Variants in TEAD4 observed in about 807,000 individuals in gnomAD.
TEAD4 encodes the protein TEA domain transcription factor 4.
A neutral mutation model predicts 52.4 loss-of-function variants in TEAD4; 36 were observed. That is an observed-to-expected ratio of 0.69 (90% confidence interval 0.53 to 0.91). The LOEUF is 0.91. Ranked by LOEUF, TEAD4 falls within the 40% of genes least tolerant of loss-of-function variation. TEAD4 has a pLI of 0.00. For synonymous variants in TEAD4, 220 were observed against 231.0 expected, an observed-to-expected ratio of 0.95 and a Z score of 0.43; for missense variants, 508 against 583.9, an observed-to-expected ratio of 0.87 and a Z score of 1.34.
Position 2,992,111 on chromosome 12 carries a change from C to T in TEAD4, c.-29-2627C>T, listed in dbSNP as rs752796962. Among the ~76,000 whole-genome samples the T allele has an allele frequency of 2.7e-5, 4 of 150,938 alleles. No individual in the cohort carries two copies. The South Asian group carries it at 6.3e-4, about 24-fold the overall frequency. The stretch of plus-strand genomic sequence containing the variant: ...TTGGCCCACTGCAACCTCTGCCTCC[C>T]GGGTTCAAGTGATTCTCTGGCCTCA... On this transcript the variant is annotated intron_variant, in intron 2 of 12. Coordinates refer to ENST00000359864, the MANE Select transcript of TEAD4 (RefSeq NM_003213.4).
chr12:2,975,628 T>C (rs1273004356), intron 2 of TEAD4, among the ~76,000 whole-genome samples: 1 of 152,148 alleles, frequency 6.6e-6, no homozygotes, highest in Non-Finnish European at 1.5e-5. Flanking sequence ...CCTCAGGTGA[T>C]CTGCCCACCT....
chr12:2,985,721 G>A lies in TEAD4; in HGVS notation c.-29-9017G>A, dbSNP rs577430083. 5.1e-3 allele frequency among the ~76,000 whole-genome samples: 769 copies of A among 151,848 alleles called. 1 individual carries two copies. Among genetic ancestry groups the A allele is most frequent in the Non-Finnish European group, 8.0e-3 (542 of 67,936 alleles). On this transcript the variant is annotated intron_variant, in intron 2 of 12. Transcript: ENST00000359864. ...GGGTTTCAGCATATTGGCCAGGGTG[G>A]CCTCGAGCTCCTGACCTCGTGATCC...
intron 2 of TEAD4, among the ~76,000 whole-genome samples, chr12:2,993,274 A>T (rs1301614829): frequency 1.3e-5 from 2 of 152,148 alleles, no homozygotes; most frequent in African/African-American, 2.4e-5. Flanking sequence ...TCTTTCTCCC[A>T]CGAGCTCCTG....
intron 2 of TEAD4, among the ~76,000 whole-genome samples, chr12:2,975,175 C>A (rs4766017): frequency 0.025 from 141 of 5,726 alleles, 26 homozygotes; most frequent in Non-Finnish European, 0.097. Context: ...ACCCTTAAAA[C>A]AAACAAACAA....
chr12:3,024,292 G>A (rs1295131935), intron 10 of TEAD4, among the ~76,000 whole-genome samples: 1 of 152,082 alleles, frequency 6.6e-6, no homozygotes, highest in South Asian at 2.1e-4. Flanking sequence ...TAGCCAGGAT[G>A]GTCTCGATCT....
chr12:3,039,813 G>A (rs1233260124), intron 11 of TEAD4, among the ~76,000 whole-genome samples: 2 of 152,180 alleles, frequency 1.3e-5, no homozygotes, highest in East Asian at 1.9e-4. Context: ...TCAGCCTCCA[G>A]AGTAGCTGGG....
rs2098281820 is a variant in TEAD4 at position 3,040,152 on chromosome 12, C to T, written c.1084C>T (p.His362Tyr). The change falls in exon 12 of 13, where the codon CAC becomes TAC. Residue 362 changes from histidine to tyrosine, a missense_variant. Transcript: ENST00000359864. The stretch of plus-strand genomic sequence containing the variant: ...GAATGGACACTACTCTTACCGCATC[C>T]ACCGGTCCCCGCTCTGTGAGTACAT... The T allele has an allele frequency of 1.9e-6, 3 of 1,614,228 alleles. No homozygotes were observed. The highest frequency in any genetic ancestry group is 1.7e-5 in the Admixed American group (1 of 60,024).
At position 3,040,181 on chromosome 12, in the gene TEAD4, C is replaced by T; in HGVS notation, c.1113C>T (p.Ile371=). The change falls in exon 12 of 13, where the codon ATC becomes ATT. Residue 371 remains isoleucine, a synonymous_variant. Transcript: ENST00000359864. The stretch of plus-strand genomic sequence containing the variant: ...GGTCCCCGCTCTGTGAGTACATGAT[C>T]AACTTCATCCACAAGCTCAAGCACC... 6.2e-7 allele frequency: 1 copy of T among 1,614,228 alleles called. No homozygotes were observed. Among genetic ancestry groups the T allele is most frequent in the Non-Finnish European group, 8.5e-7 (1 of 1,180,050 alleles).
At chr12:3,008,853 C>T (rs954855479) in intron 3 of TEAD4, among the ~76,000 whole-genome samples, 2 of 152,122 alleles carry the variant, frequency 1.3e-5, no homozygotes, top group African/African-American at 4.8e-5. Context: ...GAGGAGCAAC[C>T]AAGAACCGTA....
At chr12:2,971,575 ATGCC>A in intron 2 of TEAD4, among the ~76,000 whole-genome samples, 1 of 151,236 alleles carries the variant, frequency 6.6e-6, no homozygotes. Context: ...TCCCGGGTTC[ATGCC>A]ATTCTCCCGC....
intron 10 of TEAD4, among the ~76,000 whole-genome samples, chr12:3,026,988 C>T (rs1000142410): frequency 9.2e-5 from 14 of 152,102 alleles, no homozygotes; most frequent in Admixed American, 7.9e-4. Flanking sequence ...TCTCCTGCTC[C>T]TAACCCTCCC....
At chr12:2,992,661 C>T (rs1274245851) in intron 2 of TEAD4, among the ~76,000 whole-genome samples, 1 of 152,084 alleles carries the variant, frequency 6.6e-6, no homozygotes, top group Admixed American at 6.6e-5. Flanking sequence ...TGCATTGCTC[C>T]TCAAGGCTAG....
intron 10 of TEAD4, among the ~76,000 whole-genome samples, chr12:3,033,306 C>T (rs2098277017): frequency 6.6e-6 from 1 of 152,214 alleles, no homozygotes; most frequent in South Asian, 2.1e-4. Context: ...AGGGCTGAGG[C>T]TGCTAGGGCT....
At chr12:3,008,103 G>T (rs1038807889) in intron 3 of TEAD4, among the ~76,000 whole-genome samples, 3 of 152,182 alleles carry the variant, frequency 2.0e-5, no homozygotes, top group Non-Finnish European at 4.4e-5. Context: ...TCTGACGGGG[G>T]TGAGGGCACA....
chr12:2,974,516 T>TC (rs1220978952), intron 2 of TEAD4, among the ~76,000 whole-genome samples: 1 of 152,072 alleles, frequency 6.6e-6, no homozygotes, highest in African/African-American at 2.4e-5. Context: ...TCTTCATTCT[T>TC]CCCCCTGGGG....
intron 2 of TEAD4, among the ~76,000 whole-genome samples, chr12:2,988,074 A>G (rs142842731): frequency 6.1e-4 from 93 of 151,904 alleles, no homozygotes; most frequent in Middle Eastern, 3.4e-3. Context: ...TCTCAAAAAA[A>G]CAAAAACAAA....
intron 3 of TEAD4, among the ~76,000 whole-genome samples, chr12:3,008,823 T>C (rs1008460979): frequency 2.6e-5 from 4 of 152,284 alleles, no homozygotes; most frequent in African/African-American, 9.6e-5. Context: ...CACGATATCC[T>C]GTGTGCAAGG....
chr12:2,999,957 G>A (rs1432454208), intron 3 of TEAD4, among the ~76,000 whole-genome samples: 4 of 151,964 alleles, frequency 2.6e-5, no homozygotes, highest in African/African-American at 4.8e-5. Flanking sequence ...TGACTTTCCC[G>A]AGTCTTCCTG....
At chr12:2,967,739 C>G (rs1031057009) in intron 2 of TEAD4, among the ~76,000 whole-genome samples, 1 of 152,184 alleles carries the variant, frequency 6.6e-6, no homozygotes, top group Non-Finnish European at 1.5e-5. Context: ...TCATTTCATC[C>G]TCTCAGCCCT....
Sources: gnomAD v4.1 joint callset for allele counts (sites outside exome capture counted in the v4.1 genomes callset) on GRCh38, gnomAD v4.1.1 for gene constraint, MANE v1.5 for transcripts, NCBI Gene and HGNC (gene_info 2026-07-23, HGNC 2026-07-21) for gene names.